Variants in PRKN observed in about 807,000 individuals in gnomAD.
The protein encoded by PRKN is E3 ubiquitin-protein ligase parkin.
A neutral mutation model predicts 59.5 loss-of-function variants in PRKN; 56 were observed. The ratio of observed to expected loss-of-function variants is 0.94; its 90% CI spans 0.76 to 1.18. The LOEUF is 1.18. PRKN is among the 50% of genes most tolerant of loss of function. PRKN has a pLI of 0.00. For synonymous variants in PRKN, 250 were observed against 222.1 expected (o/e 1.13, Z -1.12); for missense variants, 657 against 596.4 (o/e 1.10, Z -1.06).
At chr6:161,855,138 A>G (rs922479278) in intron 6 of PRKN, among the ~76,000 whole-genome samples, 2 of 151,772 alleles carry the variant, frequency 1.3e-5, no homozygotes, top group Admixed American at 6.6e-5. Flanking sequence ...CTCACAATGC[A>G]CACCTTGCAC....
chr6:161,398,166 C>T, intron 9 of PRKN, among the ~76,000 whole-genome samples: 1 of 151,922 alleles, frequency 6.6e-6, no homozygotes, highest in East Asian at 1.9e-4. Context: ...GAGATGACAC[C>T]CATGCCCTTG....
chr6:161,977,824 C>T (rs1239360305), intron 5 of PRKN, among the ~76,000 whole-genome samples: 1 of 151,322 alleles, frequency 6.6e-6, no homozygotes, highest in Non-Finnish European at 1.5e-5. Flanking sequence ...TGGGATTGTA[C>T]AGGTGTGAGC....
intron 4 of PRKN, among the ~76,000 whole-genome samples, chr6:162,198,633 T>C (rs2128329313): frequency 6.6e-6 from 1 of 152,104 alleles, no homozygotes; most frequent in Non-Finnish European, 1.5e-5. Context: ...TATTACCAAG[T>C]TGGCATAGGT....
intron 7 of PRKN, among the ~76,000 whole-genome samples, chr6:161,569,692 T>G (rs1280948824): frequency 1.3e-5 from 2 of 152,210 alleles, no homozygotes; most frequent in African/African-American, 4.8e-5. Flanking sequence ...GGCCTTAGGA[T>G]GTCATGCCAC....
rs1020259736 is a variant in PRKN at position 162,560,759 on chromosome 6, G to A, written c.8-117286C>T. On this transcript the variant is annotated intron_variant, in intron 1 of 11. Coordinates refer to ENST00000366898, the MANE Select transcript of PRKN (RefSeq NM_004562.3). Reference sequence around the variant, plus strand: ...CCATTGCCAACATATATTCATTCAAGTCAATCAGTGTATACTTAATGAGTG... The same window carrying A: ...CCATTGCCAACATATATTCATTCAAATCAATCAGTGTATACTTAATGAGTG... 1.6e-4 allele frequency among the ~76,000 whole-genome samples: 23 copies of A among 140,892 alleles called. 1 individual carries two copies. Among genetic ancestry groups the A allele is most frequent in the Admixed American group, 1.5e-3 (20 of 12,968 alleles). The allele number at this position is 140,892 out of a possible 152,430, so 92.4% of individuals were successfully genotyped here.
chr6:162,629,914 T>C (rs2128222379), intron 1 of PRKN, among the ~76,000 whole-genome samples: 1 of 152,244 alleles, frequency 6.6e-6, no homozygotes, highest in East Asian at 1.9e-4. Context: ...TAATTCCCAA[T>C]AAAATGCTTG....
chr6:161,724,250 C>A (rs1029082730), intron 7 of PRKN, among the ~76,000 whole-genome samples: 1 of 152,146 alleles, frequency 6.6e-6, no homozygotes, highest in Non-Finnish European at 1.5e-5. Context: ...TTAAATGATT[C>A]AAAGTGATCG....
At chr6:162,437,570 C>T (rs1480604049) in intron 2 of PRKN, among the ~76,000 whole-genome samples, 1 of 152,106 alleles carries the variant, frequency 6.6e-6, no homozygotes, top group Non-Finnish European at 1.5e-5. Context: ...ACAGTCGTAC[C>T]CTCCTCTCAC....
chr6:162,656,557 A>C (rs1324126286), intron 1 of PRKN, among the ~76,000 whole-genome samples: 1 of 152,164 alleles, frequency 6.6e-6, no homozygotes, highest in Non-Finnish European at 1.5e-5. Flanking sequence ...TAGGCATTGA[A>C]TCTATCCCAT....
chr6:162,348,046 GA>G (rs1394992186), intron 2 of PRKN, among the ~76,000 whole-genome samples: 1 of 152,162 alleles, frequency 6.6e-6, no homozygotes, highest in Non-Finnish European at 1.5e-5. Context: ...GAGTGTCAGA[GA>G]TCTGCAAAGA....
intron 9 of PRKN, among the ~76,000 whole-genome samples, chr6:161,450,789 T>C (rs1244506046): frequency 6.6e-6 from 1 of 152,178 alleles, no homozygotes; most frequent in Admixed American, 6.5e-5. Flanking sequence ...CCTCCTGACC[T>C]CGTGATCTGC....
intron 2 of PRKN, among the ~76,000 whole-genome samples, chr6:162,294,737 T>TAA (rs367932933): frequency 6.9e-6 from 1 of 145,354 alleles, no homozygotes; most frequent in South Asian, 2.2e-4. Context: ...AGAATAAGAG[T>TAA]AAAAAAAAAG....
At chr6:162,225,617 C>T (rs1428723539) in intron 3 of PRKN, among the ~76,000 whole-genome samples, 1 of 152,076 alleles carries the variant, frequency 6.6e-6, no homozygotes, top group Non-Finnish European at 1.5e-5. Flanking sequence ...ACACTATGCA[C>T]CTTGGAGCTC....
At chr6:161,804,406 C>T (rs528831203) in intron 6 of PRKN, among the ~76,000 whole-genome samples, 38 of 152,244 alleles carry the variant, frequency 2.5e-4, no homozygotes, top group African/African-American at 8.2e-4. Flanking sequence ...CAACGTGCCT[C>T]GATGTAGGAG....
chr6:161,866,573 T>TA (rs1015926832), intron 6 of PRKN, among the ~76,000 whole-genome samples: 2 of 151,708 alleles, frequency 1.3e-5, no homozygotes, highest in Non-Finnish European at 2.9e-5. Flanking sequence ...ATACTCTGTT[T>TA]AAAAAAAGAA....
At chr6:162,195,478 CT>C (rs1409519474) in intron 4 of PRKN, among the ~76,000 whole-genome samples, 23 of 152,300 alleles carry the variant, frequency 1.5e-4, no homozygotes, top group African/African-American at 5.5e-4. Flanking sequence ...TACATTTAGA[CT>C]GTATTTCTTA....
At chr6:161,607,844 G>C (rs1177606153) in intron 7 of PRKN, among the ~76,000 whole-genome samples, 8 of 152,234 alleles carry the variant, frequency 5.3e-5, no homozygotes, top group Non-Finnish European at 1.2e-4. Context: ...AGGAAGGCCT[G>C]AGCCAAGGAC....
intron 1 of PRKN, among the ~76,000 whole-genome samples, chr6:162,656,234 G>T (rs1173842131): frequency 1.7e-4 from 26 of 152,134 alleles, no homozygotes. Context: ...GAACTAATTC[G>T]GGATATAGAG....
chr6:161,679,352 C>T (rs983721117), intron 7 of PRKN, among the ~76,000 whole-genome samples: 1 of 152,092 alleles, frequency 6.6e-6, no homozygotes, highest in South Asian at 2.1e-4. Flanking sequence ...TGGAAGAAAT[C>T]CTGGGAGGGT....
Sources: gnomAD v4.1 joint callset for allele counts (sites outside exome capture counted in the v4.1 genomes callset) on GRCh38, gnomAD v4.1.1 for gene constraint, MANE v1.5 for transcripts, NCBI Gene and HGNC (gene_info 2026-07-23, HGNC 2026-07-21) for gene names.